MS4A15: variants seen among roughly 807,000 people sequenced by gnomAD.
MS4A15 encodes membrane spanning 4-domains A15.
A neutral mutation model predicts 20.6 loss-of-function variants in MS4A15; 22 were observed. That is an observed-to-expected ratio of 1.07 (90% CI 0.76 to 1.52). MS4A15 has a LOEUF of 1.52. MS4A15 is among the 40% of genes most tolerant of loss of function. MS4A15 has a pLI of 0.00. For synonymous variants in MS4A15, 129 were observed against 129.3 expected, an observed-to-expected ratio of 1.00 and a Z score of 0.02; for missense variants, 312 against 323.0, an observed-to-expected ratio of 0.97 and a Z score of 0.26.
At chr11:60,775,422 T>C (rs59086786) in intron 6 of MS4A15, among the ~76,000 whole-genome samples, 183 bp from the exon 7 acceptor site, 8,541 of 152,290 alleles carry the variant, frequency 0.056, 458 homozygotes, top group African/African-American at 0.14. Context: ...GCCTGGATCA[T>C]AGCTGGCCCC....
intron 4 of MS4A15, chr11:60,771,873 A>T (rs1854053780): frequency 1.3e-6 from 1 of 790,560 alleles, no homozygotes; most frequent in Non-Finnish European, 1.7e-6. Context: ...GAGGCTTTGA[A>T]CAGGAGGGTA....
At chr11:60,771,703 A>C in intron 4 of MS4A15, 1 of 1,309,790 alleles carries the variant, frequency 7.6e-7, no homozygotes, top group Non-Finnish European at 1.0e-6. Flanking sequence ...TGCACGGAGG[A>C]GTGTGGGCAG....
intron 2 of MS4A15, among the ~76,000 whole-genome samples, chr11:60,765,881 C>CAAAAAA (rs11351320): frequency 7.3e-6 from 1 of 137,832 alleles, no homozygotes. Context: ...TCTCCCCCTC[C>CAAAAAA]AAAAAAAAAA....
chr11:60,774,038 C>G (rs997926840), intron 6 of MS4A15, 88 bp downstream of exon 6: 20 of 945,738 alleles, frequency 2.1e-5, no homozygotes, highest in African/African-American at 2.1e-4. Context: ...GCTCTGCCTC[C>G]AGACCCCTCC....
chr11:60,775,491 T>C, intron 6 of MS4A15, 114 bp from the exon 7 acceptor site: 1 of 776,726 alleles, frequency 1.3e-6, no homozygotes, highest in South Asian at 1.7e-5. Flanking sequence ...GATTCAGACT[T>C]GCGGAATTCA....
At chr11:60,771,669 A>C in intron 4 of MS4A15, 2 of 1,393,014 alleles carry the variant, frequency 1.4e-6, no homozygotes, top group Non-Finnish European at 9.5e-7. Context: ...AGGACTTAGA[A>C]ATACCACAGG....
At position 60,763,747 on chromosome 11, in the gene MS4A15, C is replaced by A; in HGVS notation, c.14C>A (p.Pro5His). The A allele has an allele frequency of 6.2e-7, 1 of 1,612,130 alleles. No individual in the cohort carries two copies. Among genetic ancestry groups the A allele is most frequent in the Non-Finnish European group, 8.5e-7 (1 of 1,179,900 alleles). MSAA[P>H]ASNGVFVVIP... is the part of the protein sequence containing the mutation. ...TCTCTGAGCACGATGTCTGCAGCTC[C>A]CGCCAGCAATGGAGTGTTTGTTGTC... The change falls in exon 2 of 7, where the codon CCC becomes CAC. Residue 5 changes from proline to histidine, a missense_variant. By Grantham distance (77) the Pro-to-His change is moderately conservative. Coordinates refer to ENST00000405633, the MANE Select transcript of MS4A15 (RefSeq NM_001098835.2).
intron 2 of MS4A15, among the ~76,000 whole-genome samples, chr11:60,765,731 T>TA (rs1332481395): frequency 1.3e-5 from 2 of 151,958 alleles, no homozygotes; most frequent in African/African-American, 4.8e-5. Context: ...TCTATCCTAA[T>TA]AGCTGCACCA....
chr11:60,773,763 C>A, intron 5 of MS4A15, 74 bp from the exon 6 acceptor site: 2 of 1,251,472 alleles, frequency 1.6e-6, no homozygotes, highest in South Asian at 2.4e-5. Flanking sequence ...TGACCTTGGG[C>A]AAGTGGTTCT....
intron 2 of MS4A15, among the ~76,000 whole-genome samples, chr11:60,764,833 C>T (rs938441796): frequency 7.2e-5 from 11 of 151,980 alleles, no homozygotes; most frequent in African/African-American, 7.2e-5. Context: ...TGCTTGAACC[C>T]GGGAGGTGGA....
At position 60,774,029 on chromosome 11, in the gene MS4A15, C is replaced by A; in HGVS notation, c.612+79C>A. On this transcript the variant is annotated intron_variant, in intron 6 of 6. Coordinates refer to ENST00000405633, the MANE Select transcript of MS4A15 (RefSeq NM_001098835.2). The stretch of plus-strand genomic sequence containing the variant: ...TGGAAGGCAGTTGGCTGGGAGCGCG[C>A]TCTGCCTCCAGACCCCTCCCTCTGC... The A allele has an allele frequency of 3.6e-6, 4 of 1,105,078 alleles. No homozygotes were observed. In the South Asian group the frequency reaches 5.0e-5, roughly 14 times the overall value. The allele number at this position is 1,105,078 out of a possible 1,614,324, so 68.5% of individuals were successfully genotyped here. A position where few individuals can be genotyped will look rare whatever the true frequency, so the allele number is the denominator to read the frequency against.
At chr11:60,763,003 A>C (rs1853786776) in intron 1 of MS4A15, among the ~76,000 whole-genome samples, 1 of 152,082 alleles carries the variant, frequency 6.6e-6, no homozygotes, top group South Asian at 2.1e-4. Flanking sequence ...GTGGTTTAAC[A>C]AGCTCTTTCA....
chr11:60,763,972 C>G lies in MS4A15; in HGVS notation c.225+14C>G, dbSNP rs1163744788. The G allele has an allele frequency of 1.9e-6, 3 of 1,603,270 alleles. No individual in the cohort carries two copies. Among genetic ancestry groups the G allele is most frequent in the African/African-American group, 2.7e-5 (2 of 74,742 alleles). On this transcript the variant is annotated intron_variant, in intron 2 of 6. Transcript: ENST00000405633. Reference sequence around the variant, plus strand: ...AAAGTTTTGGGGGTAAGAACAGCCTCTCTGCACAACCTGAGGCAGGTAGTG... The same window carrying G: ...AAAGTTTTGGGGGTAAGAACAGCCTGTCTGCACAACCTGAGGCAGGTAGTG...
At chr11:60,761,725 T>G (rs1378915383) in intron 1 of MS4A15, among the ~76,000 whole-genome samples, 1 of 152,250 alleles carries the variant, frequency 6.6e-6, no homozygotes, top group East Asian at 1.9e-4. Context: ...TTTCACATGA[T>G]GAGTATATTA....
chr11:60,767,910 A>G (rs764768071), intron 3 of MS4A15, among the ~76,000 whole-genome samples: 21 of 152,170 alleles, frequency 1.4e-4, no homozygotes, highest in Non-Finnish European at 2.4e-4. Context: ...AGGACGGGAA[A>G]GGCGGGGCAC....
intron 6 of MS4A15, 27 bp downstream of exon 6, chr11:60,773,977 G>A (rs370050138): frequency 2.9e-5 from 34 of 1,189,446 alleles, no homozygotes; most frequent in East Asian, 5.0e-5. Context: ...CCACCCCCAC[G>A]TCCACTAAAC....
Position 60,775,591 on chromosome 11 carries a change from T to C in MS4A15, c.613-14T>C. 6.2e-7 allele frequency: 1 copy of C among 1,611,498 alleles called. No individual in the cohort carries two copies. Among genetic ancestry groups the C allele is most frequent in the Non-Finnish European group, 8.5e-7 (1 of 1,177,946 alleles). ...CAGCGTCCTCCAGGACGCTCAGTGC[T>C]GTTTTCTTTGCAGCCTGTGATCTTC... is the stretch of plus-strand genomic sequence containing the variant. On this transcript the variant is annotated splice_polypyrimidine_tract_variant and intron_variant, in intron 6 of 6. Coordinates refer to ENST00000405633, the MANE Select transcript of MS4A15 (RefSeq NM_001098835.2).
intron 1 of MS4A15, among the ~76,000 whole-genome samples, chr11:60,761,481 G>A (rs1299876055): frequency 1.3e-5 from 2 of 152,178 alleles, no homozygotes; most frequent in Non-Finnish European, 2.9e-5. Flanking sequence ...CATCCAGACA[G>A]CCTGCGCCAT....
rs1052172208 is a variant in MS4A15 at position 60,776,674 on chromosome 11, T to G, written c.*959T>G. The G allele has an allele frequency of 2.0e-5, 3 of 152,234 alleles. No individual in the cohort carries two copies. Among genetic ancestry groups the G allele is most frequent in the African/African-American group, 4.8e-5 (2 of 41,456 alleles). 9.4% of individuals were successfully genotyped at this position (152,234 alleles called of 1,614,324 possible). On this transcript the variant is annotated 3_prime_UTR_variant, in exon 7 of 7. Transcript: ENST00000405633. The stretch of plus-strand genomic sequence containing the variant: ...CCTGGTGTTCACCAGGCCTGGTAGA[T>G]GAGATGGCTTGTCTCATCCACACCA...
Sources: gnomAD v4.1 joint callset for allele counts (sites outside exome capture counted in the v4.1 genomes callset) on GRCh38, gnomAD v4.1.1 for gene constraint, MANE v1.5 for transcripts, NCBI Gene and HGNC (gene_info 2026-07-23, HGNC 2026-07-21) for gene names.